Variants in DNER observed in about 807,000 individuals in gnomAD.
DNER encodes the protein delta/notch like EGF repeat containing, also known as delta and Notch-like epidermal growth factor-related receptor.
Under a neutral mutation model 78.2 loss-of-function variants are expected in DNER, and 33 were observed. The observed-to-expected ratio is 0.42, with a 90% confidence interval of 0.32 to 0.56. The LOEUF is 0.56. Ranked by LOEUF, DNER falls within the 20% of genes least tolerant of loss-of-function variation. The pLI is 0.11. For synonymous variants in DNER, 417 were observed against 384.8 expected (o/e 1.08, Z -0.98); for missense variants, 918 against 975.3 (o/e 0.94, Z 0.78).
intron 11 of DNER, among the ~76,000 whole-genome samples, chr2:229,375,160 C>G (rs1260413359): frequency 6.6e-6 from 1 of 152,152 alleles, no homozygotes; most frequent in Non-Finnish European, 1.5e-5. Flanking sequence ...TACCCAGGTT[C>G]CATCAGAGAT....
At chr2:229,406,452 G>A (rs571164975) in intron 10 of DNER, among the ~76,000 whole-genome samples, 5 of 152,204 alleles carry the variant, frequency 3.3e-5, no homozygotes, top group Non-Finnish European at 2.9e-5. Flanking sequence ...TTTTGTCTCC[G>A]GTGGTTTAGT....
chr2:229,478,181 T>C (rs1330527716), intron 6 of DNER, among the ~76,000 whole-genome samples: 6 of 152,208 alleles, frequency 3.9e-5, no homozygotes, highest in East Asian at 1.9e-4. Context: ...GTAGAGATAA[T>C]TCCTATCAAA....
chr2:229,568,823 A>G lies in DNER; in HGVS notation c.847+17035T>C, dbSNP rs73998276. Among the ~76,000 whole-genome samples, 482 of 152,152 alleles carry G rather than the reference A, an allele frequency of 3.2e-3. 2 individuals are homozygous for G. The highest frequency in any genetic ancestry group is 0.011 in the African/African-American group (472 of 41,512). ...GCAATCCTCCCACTTCAACCTCCCA[A>G]AGTGCTTGGATTACAGGCATGAGCC... On this transcript the variant is annotated intron_variant, in intron 4 of 12. Coordinates refer to ENST00000341772, the MANE Select transcript of DNER (RefSeq NM_139072.4).
chr2:229,457,988 T>C (rs1391863038), intron 7 of DNER, among the ~76,000 whole-genome samples: 1 of 150,786 alleles, frequency 6.6e-6, no homozygotes, highest in Non-Finnish European at 1.5e-5. Flanking sequence ...ATACAAAAAT[T>C]AGTCAGGTGT....
In DNER at chr2:229,683,690, T is replaced by C. The variant is rs535102656; in HGVS notation, c.276+30458A>G. ...GTGACAATAATGATCATGATGGCGA[T>C]GATACCAGCACATGTGGCCAGGCAC... On this transcript the variant is annotated intron_variant, in intron 1 of 12. Transcript: ENST00000341772. Among the ~76,000 whole-genome samples the C allele has an allele frequency of 1.3e-3, 205 of 152,272 alleles. 1 individual carries two copies. Among genetic ancestry groups the C allele is most frequent in the African/African-American group, 4.9e-3 (202 of 41,554 alleles).
intron 9 of DNER, among the ~76,000 whole-genome samples, chr2:229,410,114 C>T (rs535557293): frequency 6.6e-6 from 1 of 152,254 alleles, no homozygotes; most frequent in East Asian, 1.9e-4. Flanking sequence ...TCACACCCTT[C>T]CCCCAACCTG....
At chr2:229,619,771 G>A (rs11694665) in intron 1 of DNER, among the ~76,000 whole-genome samples, 27,174 of 152,154 alleles carry the variant, frequency 0.18, 2,727 homozygotes, top group Middle Eastern at 0.25. Flanking sequence ...AGGTAAAGGA[G>A]CTGGTACTAT....
Position 229,515,018 on chromosome 2 carries a change from AT to A in DNER, c.994-2083del, listed in dbSNP as rs200416571. Among the ~76,000 whole-genome samples, 87 of 152,260 alleles carry A rather than the reference AT, an allele frequency of 5.7e-4. 2 individuals carry two copies. The highest frequency in any genetic ancestry group is 5.3e-3 in the Admixed American group (81 of 15,294). On this transcript the variant is annotated intron_variant, in intron 5 of 12. Coordinates refer to ENST00000341772, the MANE Select transcript of DNER (RefSeq NM_139072.4). ...TATCTTAGAAGCTAAAACAATTATA[AT>A]TTTTTTTAAAAAAATCCTTTCTTCT...
chr2:229,486,294 C>A (rs1188737033), intron 6 of DNER, among the ~76,000 whole-genome samples: 1 of 149,786 alleles, frequency 6.7e-6, no homozygotes, highest in East Asian at 2.0e-4. Flanking sequence ...AAACCAAAGG[C>A]AAAGAAAGGA....
At chr2:229,451,818 T>C (rs1016566591) in intron 7 of DNER, among the ~76,000 whole-genome samples, 1 of 152,182 alleles carries the variant, frequency 6.6e-6, no homozygotes. Flanking sequence ...GGTGAAAGAA[T>C]AGAGGATTTA....
At chr2:229,476,416 T>C (rs6750269) in intron 7 of DNER, among the ~76,000 whole-genome samples, 18,957 of 152,112 alleles carry the variant, frequency 0.12, 1,319 homozygotes, top group South Asian at 0.2. Flanking sequence ...CTTCCTTAGG[T>C]TCTCAGGCTC....
chr2:229,373,075 C>T lies in DNER; in HGVS notation c.1856-5956G>A, dbSNP rs143997612. Among the ~76,000 whole-genome samples the T allele has an allele frequency of 1.7e-4, 26 of 152,116 alleles. No individual in the cohort carries two copies. The East Asian group carries it at 5.0e-3, about 29-fold the overall frequency. ...ATATAACTAAATCCTCAAAAGCAATCGCAACAAATGCAAAAATTGACAAGT... is the reference window on the plus strand; with the variant it reads ...ATATAACTAAATCCTCAAAAGCAATTGCAACAAATGCAAAAATTGACAAGT... On this transcript the variant is annotated intron_variant, in intron 11 of 12. Transcript: ENST00000341772.
intron 1 of DNER, among the ~76,000 whole-genome samples, chr2:229,666,795 G>C: frequency 6.6e-6 from 1 of 152,198 alleles, no homozygotes; most frequent in Non-Finnish European, 1.5e-5. Context: ...CAGAAAGACA[G>C]AGTTCAGCTG....
chr2:229,471,602 C>A (rs184208628), intron 7 of DNER, among the ~76,000 whole-genome samples: 10 of 152,232 alleles, frequency 6.6e-5, no homozygotes, highest in Non-Finnish European at 1.2e-4. Flanking sequence ...AGTAGTCAAC[C>A]TTCATCCTTT....
intron 8 of DNER, among the ~76,000 whole-genome samples, chr2:229,436,347 C>A (rs1261704292): frequency 6.6e-6 from 1 of 152,124 alleles, no homozygotes; most frequent in Non-Finnish European, 1.5e-5. Context: ...ATCCAGTCTA[C>A]CACTGATGGG....
intron 12 of DNER, among the ~76,000 whole-genome samples, chr2:229,365,279 A>G (rs1268289331): frequency 3.3e-5 from 5 of 152,280 alleles, no homozygotes; most frequent in Non-Finnish European, 7.4e-5. Flanking sequence ...TTTGGAAATG[A>G]GGAGGAGTCA....
chr2:229,468,420 G>T (rs909033177), intron 7 of DNER, among the ~76,000 whole-genome samples: 2 of 152,092 alleles, frequency 1.3e-5, no homozygotes, highest in South Asian at 4.1e-4. Flanking sequence ...ATCAGTGCTT[G>T]AGATATTCTG....
intron 8 of DNER, among the ~76,000 whole-genome samples, chr2:229,426,935 G>T (rs1050569477): frequency 6.6e-6 from 1 of 152,224 alleles, no homozygotes; most frequent in Admixed American, 6.5e-5. Context: ...GCATTCGTTG[G>T]TGTGTGGCAG....
At chr2:229,425,805 T>G (rs1019732679) in intron 8 of DNER, among the ~76,000 whole-genome samples, 2 of 152,186 alleles carry the variant, frequency 1.3e-5, no homozygotes, top group African/African-American at 4.8e-5. Flanking sequence ...TGGAGCGTGA[T>G]TTGTGCTTCC....
Sources: gnomAD v4.1 joint callset for allele counts (sites outside exome capture counted in the v4.1 genomes callset) on GRCh38, gnomAD v4.1.1 for gene constraint, MANE v1.5 for transcripts, NCBI Gene and HGNC (gene_info 2026-07-23, HGNC 2026-07-21) for gene names.